Variants in RBMS1 observed in about 807,000 individuals in gnomAD.
RBMS1 encodes the protein RNA-binding motif, single-stranded-interacting protein 1.
A neutral mutation model predicts 62.3 loss-of-function variants in RBMS1; 17 were observed. That is an observed-to-expected ratio of 0.27 (90% CI 0.19 to 0.41). The LOEUF (loss-of-function observed/expected upper bound fraction) is 0.41. Among genes scored for constraint, RBMS1 ranks in the 10% least tolerant of loss-of-function variants. RBMS1 has a pLI of 1.00. For synonymous variants in RBMS1, 172 were observed against 170.0 expected, an observed-to-expected ratio of 1.01 and a Z score of -0.09; for missense variants, 334 against 504.5, an observed-to-expected ratio of 0.66 and a Z score of 3.24.
chr2:160,406,215 CAT>C (rs1490931249), intron 1 of RBMS1, among the ~76,000 whole-genome samples: 1 of 152,188 alleles, frequency 6.6e-6, no homozygotes, highest in African/African-American at 2.4e-5. Flanking sequence ...GAAAAGTTAA[CAT>C]AGAAAAGAAC....
intron 1 of RBMS1, among the ~76,000 whole-genome samples, chr2:160,385,077 T>C (rs1028582563): frequency 7.2e-5 from 11 of 152,140 alleles, no homozygotes; most frequent in African/African-American, 2.7e-4. Flanking sequence ...AGGCCTGACT[T>C]GAAGCCAAGC....
chr2:160,278,910 C>T, intron 10 of RBMS1: 1 of 334,342 alleles, frequency 3.0e-6, no homozygotes. Context: ...TGTATTAAAG[C>T]CAGTGTCCCT....
At chr2:160,402,984 A>G (rs1695515177) in intron 1 of RBMS1, among the ~76,000 whole-genome samples, 1 of 152,236 alleles carries the variant, frequency 6.6e-6, no homozygotes, top group African/African-American at 2.4e-5. Context: ...TGGTGAGCCC[A>G]GTTGACAGTA....
intron 1 of RBMS1, among the ~76,000 whole-genome samples, chr2:160,424,376 GGA>G (rs1491213787): frequency 1.2e-4 from 15 of 126,384 alleles, no homozygotes; most frequent in Admixed American, 5.7e-4. Flanking sequence ...GGGGGGGGGG[GGA>G]AACAAAAAGA....
intron 1 of RBMS1, among the ~76,000 whole-genome samples, chr2:160,436,723 T>C (rs913050682): frequency 6.6e-6 from 1 of 152,212 alleles, no homozygotes; most frequent in African/African-American, 2.4e-5. Context: ...TAAATATGGC[T>C]GAACACAAAT....
chr2:160,320,121 T>C (rs2105971605), intron 2 of RBMS1, among the ~76,000 whole-genome samples: 2 of 152,344 alleles, frequency 1.3e-5, no homozygotes, highest in East Asian at 3.9e-4. Flanking sequence ...ACATGCTTGA[T>C]ATTTACCAGC....
chr2:160,462,072 T>A (rs1275758230), intron 1 of RBMS1, among the ~76,000 whole-genome samples: 1 of 152,244 alleles, frequency 6.6e-6, no homozygotes, highest in African/African-American at 2.4e-5. Context: ...TTTCAGCTAG[T>A]GGATGCCTCA....
At chr2:160,324,878 GTGTGTATATATATA>G (rs1451956307) in intron 2 of RBMS1, among the ~76,000 whole-genome samples, 2 of 75,402 alleles carry the variant, frequency 2.7e-5, no homozygotes, top group Non-Finnish European at 5.5e-5. Flanking sequence ...GTGTGTGTGT[GTGTGTATATATATA>G]TATATATATA....
At chr2:160,491,626 T>C (rs1296615870) in intron 1 of RBMS1, among the ~76,000 whole-genome samples, 1 of 152,244 alleles carries the variant, frequency 6.6e-6, no homozygotes, top group Non-Finnish European at 1.5e-5. Context: ...CATGGCTTTT[T>C]TTCTTCCTCA....
intron 6 of RBMS1, among the ~76,000 whole-genome samples, chr2:160,298,610 C>T (rs1420745571): frequency 6.6e-6 from 1 of 152,092 alleles, no homozygotes; most frequent in South Asian, 2.1e-4. Flanking sequence ...GGAGGACGCA[C>T]TTCATGGATG....
intron 3 of RBMS1, among the ~76,000 whole-genome samples, chr2:160,317,350 C>T (rs547072613): frequency 4.6e-5 from 7 of 152,290 alleles, no homozygotes; most frequent in African/African-American, 1.7e-4. Context: ...GCCTTCTCTG[C>T]CTATTCCTGT....
At chr2:160,446,449 T>C (rs1478997856) in intron 1 of RBMS1, among the ~76,000 whole-genome samples, 2 of 152,234 alleles carry the variant, frequency 1.3e-5, no homozygotes, top group Non-Finnish European at 2.9e-5. Context: ...CTTAGTCAAG[T>C]AGGACACCTC....
chr2:160,493,205 G>T (rs538057239), intron 1 of RBMS1, 84 bp downstream of exon 1: 8 of 1,321,852 alleles, frequency 6.1e-6, no homozygotes, highest in Non-Finnish European at 6.4e-6. Context: ...GGGGTTCGCC[G>T]CGCGCCCCCC....
intron 1 of RBMS1, among the ~76,000 whole-genome samples, chr2:160,439,993 G>A (rs1352546779): frequency 2.7e-5 from 4 of 150,078 alleles, no homozygotes; most frequent in East Asian, 3.9e-4. Context: ...GCAGTGAGCC[G>A]AGATGGCAGC....
intron 6 of RBMS1, among the ~76,000 whole-genome samples, chr2:160,288,554 A>C (rs1688524414): frequency 6.6e-6 from 1 of 152,136 alleles, no homozygotes; most frequent in African/African-American, 2.4e-5. Context: ...TGGAATGCCA[A>C]CTCACTTCTG....
At chr2:160,354,161 C>A (rs979179396) in intron 2 of RBMS1, among the ~76,000 whole-genome samples, 1 of 152,046 alleles carries the variant, frequency 6.6e-6, no homozygotes, top group African/African-American at 2.4e-5. Flanking sequence ...TTAACAGCCA[C>A]TTGACTAGAA....
chr2:160,300,575 G>C, intron 6 of RBMS1, 76 bp downstream of exon 6: 1 of 1,459,898 alleles, frequency 6.8e-7, no homozygotes, highest in Middle Eastern at 2.3e-4. Flanking sequence ...TTGTTCTATT[G>C]AAGAGTCATC....
intron 1 of RBMS1, among the ~76,000 whole-genome samples, chr2:160,461,604 G>A (rs1200508386): frequency 6.6e-6 from 1 of 152,242 alleles, no homozygotes; most frequent in Non-Finnish European, 1.5e-5. Flanking sequence ...TATAGGCCAA[G>A]CATGTGTGCA....
intron 1 of RBMS1, among the ~76,000 whole-genome samples, chr2:160,402,924 T>TA (rs1313129439): frequency 6.6e-6 from 1 of 152,218 alleles, no homozygotes; most frequent in East Asian, 1.9e-4. Context: ...CTGGATCAGA[T>TA]AGACTCTTAC....
Sources: gnomAD v4.1 joint callset for allele counts (sites outside exome capture counted in the v4.1 genomes callset) on GRCh38, gnomAD v4.1.1 for gene constraint, MANE v1.5 for transcripts, NCBI Gene and HGNC (gene_info 2026-07-23, HGNC 2026-07-21) for gene names.